PRKCE: variants seen among roughly 807,000 people sequenced by gnomAD.
PRKCE encodes the protein protein kinase C epsilon type.
In PRKCE, 16 loss-of-function variants were observed where a neutral mutation model predicts 85.4. The observed-to-expected ratio is 0.19, with a 90% CI of 0.13 to 0.28. The LOEUF (loss-of-function observed/expected upper bound fraction) is 0.28. PRKCE is among the 10% of genes least tolerant of loss of function. The probability of loss-of-function intolerance (pLI) is 1.00; values close to 1 mark genes in which losing one functional copy is unlikely to be tolerated. For missense variants in PRKCE, 573 were observed against 975.2 expected, an observed-to-expected ratio of 0.59 and a Z score of 5.49; for synonymous variants, 388 against 371.5, an observed-to-expected ratio of 1.04 and a Z score of -0.51.
chr2:45,723,440 A>T (rs189600430), intron 1 of PRKCE, among the ~76,000 whole-genome samples: 1 of 152,144 alleles, frequency 6.6e-6, no homozygotes, highest in Admixed American at 6.5e-5. Flanking sequence ...GCTCCTGGAC[A>T]TTAGGTTAAG....
intron 11 of PRKCE, among the ~76,000 whole-genome samples, chr2:46,126,746 C>T (rs1267621274): frequency 6.6e-6 from 1 of 152,124 alleles, no homozygotes; most frequent in East Asian, 1.9e-4. Context: ...ATTTCCTCCT[C>T]CCTTCCCTTG....
intron 1 of PRKCE, among the ~76,000 whole-genome samples, chr2:45,684,695 C>G (rs1172469048): frequency 1.3e-5 from 2 of 152,164 alleles, no homozygotes. Context: ...TGGGACTGCA[C>G]CTCGATTTTC....
intron 7 of PRKCE, among the ~76,000 whole-genome samples, chr2:46,002,865 G>A (rs1704820296): frequency 6.6e-6 from 1 of 152,206 alleles, no homozygotes; most frequent in Non-Finnish European, 1.5e-5. Flanking sequence ...AGGAGACATG[G>A]TTTTTATTCT....
intron 10 of PRKCE, among the ~76,000 whole-genome samples, chr2:46,082,113 G>C (rs1047807196): frequency 1.3e-5 from 2 of 152,070 alleles, no homozygotes; most frequent in Non-Finnish European, 2.9e-5. Flanking sequence ...AGTGGACTTA[G>C]AGGAGGAAGC....
chr2:46,024,218 T>A (rs1183393310), intron 10 of PRKCE, among the ~76,000 whole-genome samples: 1 of 152,132 alleles, frequency 6.6e-6, no homozygotes, highest in Non-Finnish European at 1.5e-5. Context: ...CTGGAGTAAT[T>A]CTTTAAGGGT....
rs766523022 is a variant in PRKCE at position 46,002,378 on chromosome 2, A to C, written c.966+832A>C. Among the ~76,000 whole-genome samples, 5 of 152,342 alleles carry C rather than the reference A, an allele frequency of 3.3e-5. No homozygotes were observed. The East Asian group carries it at 9.7e-4, about 29-fold the overall frequency. On this transcript the variant is annotated intron_variant, in intron 7 of 14. Coordinates refer to ENST00000306156, the MANE Select transcript of PRKCE (RefSeq NM_005400.3). ...CCTCAAGCCCCCTGCTAGAAAAGCA[A>C]GTCTGACTCTAGGTACCTCTGCAAT...
intron 2 of PRKCE, among the ~76,000 whole-genome samples, chr2:45,925,253 C>G (rs1698524922): frequency 6.6e-6 from 1 of 152,054 alleles, no homozygotes; most frequent in Non-Finnish European, 1.5e-5. Flanking sequence ...GCATATTATC[C>G]TGATAACTCA....
At chr2:46,107,409 G>A (rs551270688) in intron 11 of PRKCE, among the ~76,000 whole-genome samples, 13 of 152,262 alleles carry the variant, frequency 8.5e-5, no homozygotes, top group Admixed American at 2.6e-4. Flanking sequence ...TTGGGAGGCC[G>A]AGGCGGGCAG....
chr2:46,143,081 C>G (rs907575034), intron 11 of PRKCE, among the ~76,000 whole-genome samples: 7 of 152,168 alleles, frequency 4.6e-5, no homozygotes, highest in Non-Finnish European at 8.8e-5. Context: ...GCCTTCACCA[C>G]CTGTAATCAC....
chr2:45,951,417 C>T (rs1326181094), intron 2 of PRKCE, among the ~76,000 whole-genome samples: 2 of 152,154 alleles, frequency 1.3e-5, no homozygotes, highest in Non-Finnish European at 2.9e-5. Context: ...TTCATAATTC[C>T]TCCCTAACTC....
intron 2 of PRKCE, among the ~76,000 whole-genome samples, chr2:45,972,908 TA>T (rs1350608174): frequency 6.6e-6 from 1 of 152,164 alleles, no homozygotes; most frequent in Non-Finnish European, 1.5e-5. Flanking sequence ...AAAACAATCC[TA>T]AAAGTCATAT....
rs1431656026 is a variant in PRKCE, at chr2:46,187,927, T to C, written c.*3046T>C. 3 of 152,656 alleles carry C rather than the reference T, an allele frequency of 2.0e-5. No homozygotes were observed. Among genetic ancestry groups the C allele is most frequent in the African/African-American group, 7.2e-5 (3 of 41,452 alleles). The allele number at this position is 152,656 out of a possible 1,614,324, so 9.5% of individuals were successfully genotyped here. A position where few individuals can be genotyped will look rare whatever the true frequency, so the allele number is the denominator to read the frequency against. On this transcript the variant is annotated 3_prime_UTR_variant, in exon 15 of 15. Coordinates refer to ENST00000306156, the MANE Select transcript of PRKCE (RefSeq NM_005400.3). ...AAACGTTATTGTGCCAAATGTACTG[T>C]ATTCAAAAGGATGTGAATGTGTATT...
intron 2 of PRKCE, among the ~76,000 whole-genome samples, chr2:45,962,349 T>C (rs900277701): frequency 6.6e-6 from 1 of 152,230 alleles, no homozygotes; most frequent in Non-Finnish European, 1.5e-5. Context: ...TAGACAAAGA[T>C]AACTCACTCA....
At chr2:45,955,773 T>C (rs1394098964) in intron 2 of PRKCE, among the ~76,000 whole-genome samples, 1 of 151,204 alleles carries the variant, frequency 6.6e-6, no homozygotes, top group Admixed American at 6.6e-5. Context: ...GTATAGTAGG[T>C]GTGCCCTAGT....
intron 1 of PRKCE, among the ~76,000 whole-genome samples, chr2:45,737,514 G>A (rs1156760013): frequency 6.6e-6 from 1 of 152,162 alleles, no homozygotes; most frequent in Non-Finnish European, 1.5e-5. Context: ...CCAACGGCCC[G>A]GGGCTCCTCC....
At chr2:46,073,004 T>C (rs1186156614) in intron 10 of PRKCE, among the ~76,000 whole-genome samples, 2 of 152,144 alleles carry the variant, frequency 1.3e-5, no homozygotes, top group African/African-American at 2.4e-5. Context: ...CAAAAATAAA[T>C]GCACATTCCC....
chr2:45,785,036 G>A (rs1686486145), intron 1 of PRKCE, among the ~76,000 whole-genome samples: 3 of 152,144 alleles, frequency 2.0e-5, no homozygotes, highest in African/African-American at 4.8e-5. Flanking sequence ...GGGCTAGAGT[G>A]TCATTACCAT....
chr2:45,769,560 T>A (rs1187141970), intron 1 of PRKCE, among the ~76,000 whole-genome samples: 1 of 152,234 alleles, frequency 6.6e-6, no homozygotes, highest in Admixed American at 6.5e-5. Flanking sequence ...TAACCATTTT[T>A]CATCCAGAGA....
In PRKCE at chr2:46,069,055, AGT is replaced by A. The variant is rs1426332855; in HGVS notation, c.1438-17149_1438-17148del. 3.9e-5 allele frequency among the ~76,000 whole-genome samples: 6 copies of A among 152,378 alleles called. No homozygotes were observed. The South Asian group carries it at 1.2e-3, about 32-fold the overall frequency. The stretch of plus-strand genomic sequence containing the variant: ...TCCAGTTGATTCTTCTGCATGCTCA[AGT>A]GTGGAAAGCACTGCTGCTTAGAACT... On this transcript the variant is annotated intron_variant, in intron 10 of 14. Coordinates refer to ENST00000306156, the MANE Select transcript of PRKCE (RefSeq NM_005400.3).
Sources: gnomAD v4.1 joint callset for allele counts (sites outside exome capture counted in the v4.1 genomes callset) on GRCh38, gnomAD v4.1.1 for gene constraint, MANE v1.5 for transcripts, NCBI Gene and HGNC (gene_info 2026-07-23, HGNC 2026-07-21) for gene names.